EXOC6: variants seen among roughly 807,000 people sequenced by gnomAD.
EXOC6 encodes the protein SEC15-like 1.
A neutral mutation model predicts 112.5 loss-of-function variants in EXOC6; 60 were observed. That is an observed-to-expected ratio of 0.53 (90% CI 0.43 to 0.66). The LOEUF (loss-of-function observed/expected upper bound fraction) is 0.66. Among genes scored for constraint, EXOC6 ranks in the 30% least tolerant of loss-of-function variants. The pLI, the probability that EXOC6 is intolerant of heterozygous loss-of-function variation, is 0.00. For synonymous variants in EXOC6, 295 were observed against 308.0 expected (o/e 0.96, Z 0.44); for missense variants, 855 against 957.1 (o/e 0.89, Z 1.41).
At chr10:93,002,777 C>T (rs1843814271) in intron 19 of EXOC6, among the ~76,000 whole-genome samples, 1 of 152,162 alleles carries the variant, frequency 6.6e-6, no homozygotes, top group African/African-American at 2.4e-5. Context: ...ATTGAATTTT[C>T]CTTATCTACC....
At chr10:92,961,510 TG>T (rs1328263549) in intron 17 of EXOC6, among the ~76,000 whole-genome samples, 2 of 152,024 alleles carry the variant, frequency 1.3e-5, no homozygotes, top group African/African-American at 4.8e-5. Flanking sequence ...CAAATATATA[TG>T]GGATAGAATA....
chr10:92,856,824 ATATGTT>A (rs1367523468), intron 1 of EXOC6, among the ~76,000 whole-genome samples: 3 of 152,146 alleles, frequency 2.0e-5, no homozygotes, highest in African/African-American at 7.2e-5. Context: ...TTAGATGCAT[ATATGTT>A]TATACTTTAT....
chr10:92,997,428 T>C, intron 18 of EXOC6, 46 bp from the exon 19 acceptor site: 3 of 1,554,774 alleles, frequency 1.9e-6, no homozygotes, highest in South Asian at 2.4e-5. Flanking sequence ...GATGTATTTC[T>C]ATGTGTGTTT....
Position 92,975,981 on chromosome 10 carries a change from A to G in EXOC6, c.1953+1749A>G, listed in dbSNP as rs868710133. Among the ~76,000 whole-genome samples, 830 of 113,262 alleles carry G rather than the reference A, an allele frequency of 7.3e-3. 16 individuals are homozygous for G. Among genetic ancestry groups the G allele is most frequent in the African/African-American group, 0.026 (769 of 29,472 alleles). The allele number at this position is 113,262 out of a possible 152,430, so 74.3% of individuals were successfully genotyped here. A position where few individuals can be genotyped will look rare whatever the true frequency, so the allele number is the denominator to read the frequency against. ...CGGTAGGTGAGGGGCGCCTCTGCCC[A>G]GCCGCCCCTACTGGGAAGTGAGGAG... On this transcript the variant is annotated intron_variant, in intron 18 of 21. Coordinates refer to ENST00000260762, the MANE Select transcript of EXOC6 (RefSeq NM_019053.6).
At chr10:92,853,377 A>G (rs1054199003) in intron 1 of EXOC6, among the ~76,000 whole-genome samples, 1 of 152,240 alleles carries the variant, frequency 6.6e-6, no homozygotes, top group Non-Finnish European at 1.5e-5. Flanking sequence ...ATGAAAATTT[A>G]TAGAAATTGA....
At position 92,919,270 on chromosome 10, in the gene EXOC6, A is replaced by G. The variant is rs79811014; in HGVS notation, c.820-712A>G. On this transcript the variant is annotated intron_variant, in intron 7 of 21. Coordinates refer to ENST00000260762, the MANE Select transcript of EXOC6 (RefSeq NM_019053.6). ...ATCTATTTTACTACTATACTGCACTACATTTTGTTTTTATCATTTTCCCTA... is the reference window on the plus strand; with the variant it reads ...ATCTATTTTACTACTATACTGCACTGCATTTTGTTTTTATCATTTTCCCTA... 6.5e-3 allele frequency among the ~76,000 whole-genome samples: 983 copies of G among 152,146 alleles called. 17 individuals are homozygous for G. The highest frequency in any genetic ancestry group is 0.022 in the African/African-American group (931 of 41,496).
intron 14 of EXOC6, among the ~76,000 whole-genome samples, chr10:92,951,162 G>C (rs1349525576): frequency 6.6e-6 from 1 of 152,180 alleles, no homozygotes; most frequent in East Asian, 1.9e-4. Flanking sequence ...ACAGCCAAAT[G>C]GAGCTGTCCA....
intron 20 of EXOC6, among the ~76,000 whole-genome samples, chr10:93,038,101 A>T (rs905271695): frequency 6.9e-5 from 10 of 145,964 alleles, no homozygotes; most frequent in South Asian, 2.1e-4. Context: ...TTGACTGGAA[A>T]TTTTTTTTTT....
intron 18 of EXOC6, among the ~76,000 whole-genome samples, chr10:92,995,321 A>ATT (rs1041555510): frequency 5.9e-5 from 9 of 152,138 alleles, no homozygotes; most frequent in Admixed American, 4.6e-4. Context: ...CTATGTAATC[A>ATT]TTTGTAGCGT....
At chr10:92,856,711 TTAGAG>T (rs1410379413) in intron 1 of EXOC6, among the ~76,000 whole-genome samples, 1 of 152,184 alleles carries the variant, frequency 6.6e-6, no homozygotes, top group East Asian at 1.9e-4. Context: ...TCTAATTAGC[TTAGAG>T]TATTGTTCAC....
chr10:93,053,237 C>CCAG (rs1383870356), intron 20 of EXOC6, among the ~76,000 whole-genome samples: 1 of 152,144 alleles, frequency 6.6e-6, no homozygotes, highest in African/African-American at 2.4e-5. Flanking sequence ...CAATCAAAGA[C>CCAG]CAGGGTCATC....
intron 4 of EXOC6, among the ~76,000 whole-genome samples, chr10:92,898,321 T>TGGG (rs886075175): frequency 2.0e-5 from 3 of 150,830 alleles, no homozygotes; most frequent in Non-Finnish European, 4.4e-5. Flanking sequence ...TTCTAACTAC[T>TGGG]GGGGAGGCTG....
At chr10:93,042,035 A>G (rs1490658755) in intron 20 of EXOC6, among the ~76,000 whole-genome samples, 2 of 152,184 alleles carry the variant, frequency 1.3e-5, no homozygotes, top group South Asian at 2.1e-4. Context: ...GAACCTTTCA[A>G]TGGCTACCCA....
At chr10:92,857,028 G>C (rs904623222) in intron 1 of EXOC6, among the ~76,000 whole-genome samples, 1 of 152,060 alleles carries the variant, frequency 6.6e-6, no homozygotes. Context: ...CTTGTAGATA[G>C]CACATCATTG....
At chr10:92,905,592 T>C (rs1349221582) in intron 5 of EXOC6, among the ~76,000 whole-genome samples, 1 of 152,078 alleles carries the variant, frequency 6.6e-6, no homozygotes, top group Non-Finnish European at 1.5e-5. Context: ...TTTCATTAGC[T>C]ACTGCTTCCA....
At chr10:93,040,885 C>T (rs1564932315) in intron 20 of EXOC6, among the ~76,000 whole-genome samples, 1 of 152,198 alleles carries the variant, frequency 6.6e-6, no homozygotes, top group Non-Finnish European at 1.5e-5. Flanking sequence ...TTTCTGCCCC[C>T]TAAATGTTGG....
At chr10:92,865,088 A>G (rs1233263432) in intron 1 of EXOC6, among the ~76,000 whole-genome samples, 2 of 152,218 alleles carry the variant, frequency 1.3e-5, no homozygotes, top group Admixed American at 6.5e-5. Context: ...AAAAATATTG[A>G]TAGTTATAAT....
At chr10:92,987,623 A>G (rs1444370680) in intron 18 of EXOC6, 4 of 985,210 alleles carry the variant, frequency 4.1e-6, no homozygotes, top group East Asian at 1.1e-4. Context: ...ACTAACAACA[A>G]TGATCATGCA....
chr10:92,979,937 C>T (rs113601384), intron 18 of EXOC6, among the ~76,000 whole-genome samples: 1 of 151,184 alleles, frequency 6.6e-6, no homozygotes, highest in Admixed American at 6.6e-5. Context: ...CACCTTGCCT[C>T]CAGATTAAAA....
Sources: allele counts gnomAD v4.1 joint callset (sites outside exome capture counted in the v4.1 genomes callset), GRCh38; gene constraint gnomAD v4.1.1; transcripts MANE v1.5; gene names NCBI Gene and HGNC (gene_info 2026-07-23, HGNC 2026-07-21).